The following FTCDNL1 variants were observed in gnomAD, a reference collection of about 807,000 sequenced individuals.
FTCDNL1 encodes the protein formiminotransferase N-terminal subdomain-containing protein.
In FTCDNL1, 11 loss-of-function variants were observed where a neutral mutation model predicts 5.9. The observed-to-expected ratio is 1.87, with a 90% CI of 1.18 to 3.10. The LOEUF (loss-of-function observed/expected upper bound fraction) is 3.10. FTCDNL1 is among the 30% of genes most tolerant of loss of function. The pLI is 0.00. For synonymous variants in FTCDNL1, 58 were observed against 24.8 expected, an observed-to-expected ratio of 2.34 and a Z score of -3.99; for missense variants, 115 against 65.5, an observed-to-expected ratio of 1.76 and a Z score of -2.61.
chr2:199,782,873 C>T (rs1699438701), intron 3 of FTCDNL1, among the ~76,000 whole-genome samples: 1 of 152,190 alleles, frequency 6.6e-6, no homozygotes, highest in Non-Finnish European at 1.5e-5. Context: ...CAGTTAGTGG[C>T]TTCCATGTCT....
Position 199,821,543 on chromosome 2 carries a change from C to A in FTCDNL1, c.212-1786G>T, listed in dbSNP as rs181670742. On this transcript the variant is annotated intron_variant, in intron 3 of 4. Coordinates refer to ENST00000420128, the MANE Select transcript of FTCDNL1 (RefSeq NM_001363886.2). ...GCAGTGGCATGATCTTGGCTCAGTG[C>A]AACCTCAGCCTCCTGAGTTCAAAGG... Among the ~76,000 whole-genome samples the A allele has an allele frequency of 3.8e-4, 58 of 152,098 alleles. 1 individual carries two copies. Among genetic ancestry groups the A allele is most frequent in the African/African-American group, 1.4e-3 (57 of 41,466 alleles).
chr2:199,754,667 G>A, the FTCDNL1 span, among the ~76,000 whole-genome samples: 2 of 152,144 alleles, frequency 1.3e-5, no homozygotes, highest in African/African-American at 4.8e-5. Flanking sequence ...CTAGAGGTGT[G>A]GGGGTCAAAA....
intron 3 of FTCDNL1, among the ~76,000 whole-genome samples, chr2:199,821,316 AT>A (rs34899809): frequency 0.62 from 83,264 of 133,768 alleles, 25,228 homozygotes; most frequent in South Asian, 0.74. Flanking sequence ...AGCCTGGCTA[AT>A]TTTTTTTTTT....
chr2:199,749,387 A>G, the FTCDNL1 span, among the ~76,000 whole-genome samples: 1 of 152,324 alleles, frequency 6.6e-6, no homozygotes, highest in East Asian at 1.9e-4. Flanking sequence ...TGGTAGCAAT[A>G]TCTTTTTACC....
chr2:199,740,342 G>A, the FTCDNL1 span, among the ~76,000 whole-genome samples: 176 of 152,314 alleles, frequency 1.2e-3, no homozygotes, highest in Non-Finnish European at 2.0e-3. Context: ...AGAGTCTGAC[G>A]TAGCCAGTTG....
chr2:199,834,562 C>G (rs1205875543), intron 3 of FTCDNL1, among the ~76,000 whole-genome samples: 1 of 152,150 alleles, frequency 6.6e-6, no homozygotes, highest in African/African-American at 2.4e-5. Flanking sequence ...CCTTGGCTGC[C>G]CGGTACTGCC....
chr2:199,817,511 G>C (rs1329762670), intron 4 of FTCDNL1, among the ~76,000 whole-genome samples: 1 of 152,084 alleles, frequency 6.6e-6, no homozygotes, highest in East Asian at 1.9e-4. Context: ...CATGGGCCAG[G>C]CACGGGGGGT....
rs561814187 is a variant in FTCDNL1, at chr2:199,835,507, A to G, written c.211+10568T>C. ...CGAGAAGCACACTCTTACTCTACCAATAGAGAATAGGTGGATGGGTTGGTG... is the reference window on the plus strand; with the variant it reads ...CGAGAAGCACACTCTTACTCTACCAGTAGAGAATAGGTGGATGGGTTGGTG... On this transcript the variant is annotated intron_variant, in intron 3 of 4. Transcript: ENST00000420128. Among the ~76,000 whole-genome samples, 22 of 152,248 alleles carry G rather than the reference A, an allele frequency of 1.4e-4. 1 individual carries two copies. The South Asian group carries it at 2.9e-3, about 20-fold the overall frequency.
chr2:199,669,537 C>T, the FTCDNL1 span, among the ~76,000 whole-genome samples: 1 of 152,292 alleles, frequency 6.6e-6, no homozygotes, highest in Middle Eastern at 3.4e-3. Flanking sequence ...TCAGGAAACC[C>T]AAACCCAGTG....
At chr2:199,753,453 C>T in the FTCDNL1 span, among the ~76,000 whole-genome samples, 1 of 152,224 alleles carries the variant, frequency 6.6e-6, no homozygotes, top group East Asian at 1.9e-4. Flanking sequence ...TCCCCAGTTA[C>T]AGTGAGAAGC....
At chr2:199,670,583 T>A in the FTCDNL1 span, among the ~76,000 whole-genome samples, 1 of 152,014 alleles carries the variant, frequency 6.6e-6, no homozygotes, top group Non-Finnish European at 1.5e-5. Context: ...CTGATGGGGG[T>A]TGATGGAGAC....
chr2:199,721,558 C>T, the FTCDNL1 span, among the ~76,000 whole-genome samples: 4 of 152,026 alleles, frequency 2.6e-5, no homozygotes, highest in South Asian at 2.1e-4. Context: ...CATGTCTTTG[C>T]GATTGTGAAT....
At chr2:199,788,061 G>A (rs999765932) in intron 3 of FTCDNL1, among the ~76,000 whole-genome samples, 9 of 152,186 alleles carry the variant, frequency 5.9e-5, no homozygotes, top group African/African-American at 1.7e-4. Context: ...TGAGCTTGCA[G>A]ATAAGGCTTA....
the FTCDNL1 span, among the ~76,000 whole-genome samples, chr2:199,752,486 T>C: frequency 2.0e-5 from 3 of 152,146 alleles, no homozygotes; most frequent in Non-Finnish European, 2.9e-5. Context: ...GCAGATTGCA[T>C]CCATAATGTA....
chr2:199,664,954 T>G, the FTCDNL1 span, among the ~76,000 whole-genome samples: 3 of 152,360 alleles, frequency 2.0e-5, no homozygotes, highest in South Asian at 6.2e-4. Context: ...TAGTCATATC[T>G]ATCTTTACTA....
rs115036700 is a variant in FTCDNL1, at chr2:199,810,061, G to A, written c.*2644C>T. On this transcript the variant is annotated 3_prime_UTR_variant, in exon 5 of 5. Transcript: ENST00000420128. ...GATTTTTTTTTTCCTAAAAGAGCTC[G>A]AACTTTCCAAAATACCAACAGAGAA... Among the ~76,000 whole-genome samples the A allele has an allele frequency of 5.3e-3, 803 of 151,502 alleles. 14 individuals carry two copies. The highest frequency in any genetic ancestry group is 0.018 in the African/African-American group (760 of 41,244).
intron 3 of FTCDNL1, among the ~76,000 whole-genome samples, chr2:199,827,369 C>T (rs891108255): frequency 6.6e-5 from 10 of 151,980 alleles, no homozygotes; most frequent in Non-Finnish European, 1.5e-4. Context: ...AAAACAGACT[C>T]AGAGATACAA....
the FTCDNL1 span, among the ~76,000 whole-genome samples, chr2:199,702,400 G>A: frequency 6.6e-5 from 10 of 152,018 alleles, no homozygotes; most frequent in Non-Finnish European, 8.8e-5. Context: ...CTCGCCTCCC[G>A]ATGCAACTCT....
intron 3 of FTCDNL1, among the ~76,000 whole-genome samples, chr2:199,821,092 A>T (rs573596280): frequency 1.3e-5 from 2 of 152,328 alleles, no homozygotes; most frequent in South Asian, 4.1e-4. Flanking sequence ...CACTAAAAAA[A>T]GACTGGGTAC....
Sources: allele counts gnomAD v4.1 joint callset (sites outside exome capture counted in the v4.1 genomes callset), GRCh38; gene constraint gnomAD v4.1.1; transcripts MANE v1.5; gene names NCBI Gene and HGNC (gene_info 2026-07-23, HGNC 2026-07-21).